Variants in SLC12A1 observed in about 807,000 individuals in gnomAD.
SLC12A1 encodes the protein Na-K-2Cl cotransporter.
SLC12A1 carries 89 observed loss-of-function variants against 130.4 expected under a neutral mutation model. The ratio of observed to expected loss-of-function variants is 0.68; its 90% confidence interval spans 0.58 to 0.81. The LOEUF (loss-of-function observed/expected upper bound fraction) is 0.81. SLC12A1 is among the 40% of genes least tolerant of loss of function. The pLI is 0.00. For missense variants in SLC12A1, 1,310 were observed against 1,336.4 expected (o/e 0.98, Z 0.31); for synonymous variants, 499 against 460.0 (o/e 1.08, Z -1.09).
intron 5 of SLC12A1, chr15:48,227,276 C>T: frequency 1.1e-6 from 1 of 912,324 alleles, no homozygotes; most frequent in Non-Finnish European, 1.7e-6. Flanking sequence ...AATTAGTCCC[C>T]AGTGTCCTAA....
intron 19 of SLC12A1, among the ~76,000 whole-genome samples, chr15:48,272,833 C>T (rs1171828270): frequency 3.3e-5 from 5 of 152,044 alleles, no homozygotes; most frequent in South Asian, 2.1e-4. Flanking sequence ...TTAGGCTGGG[C>T]GCAGTGGCTC....
chr15:48,218,269 T>C (rs1190046515), intron 2 of SLC12A1, among the ~76,000 whole-genome samples: 1 of 152,202 alleles, frequency 6.6e-6, no homozygotes, highest in Non-Finnish European at 1.5e-5. Flanking sequence ...GACTCTGTAT[T>C]ATGCTGCTTA....
chr15:48,256,830 C>G (rs946267066), intron 16 of SLC12A1, among the ~76,000 whole-genome samples: 1 of 144,650 alleles, frequency 6.9e-6, no homozygotes, highest in African/African-American at 2.5e-5. Flanking sequence ...TGGCCCCCCC[C>G]CCCAAATTTC....
intron 20 of SLC12A1, among the ~76,000 whole-genome samples, chr15:48,282,092 G>A (rs1597452168): frequency 6.6e-6 from 1 of 152,300 alleles, no homozygotes; most frequent in East Asian, 1.9e-4. Context: ...GAATAATTAA[G>A]AATTAACTTG....
At chr15:48,256,602 C>T (rs535739872) in intron 16 of SLC12A1, among the ~76,000 whole-genome samples, 73 of 152,200 alleles carry the variant, frequency 4.8e-4, no homozygotes, top group East Asian at 1.9e-3. Context: ...TCTTACATGG[C>T]GGCAGGCAAG....
chr15:48,260,354 A>T (rs2041760803), intron 17 of SLC12A1, among the ~76,000 whole-genome samples: 1 of 145,310 alleles, frequency 6.9e-6, no homozygotes, highest in Non-Finnish European at 1.5e-5. Flanking sequence ...TCTATCACAC[A>T]CACACACACA....
intron 8 of SLC12A1, 119 bp downstream of exon 8, chr15:48,232,957 T>C: frequency 1.5e-6 from 1 of 669,728 alleles, no homozygotes. Context: ...AAGTTACTTG[T>C]GGATGCGGAA....
At chr15:48,231,861 T>C (rs541172714) in intron 7 of SLC12A1, among the ~76,000 whole-genome samples, 4 of 151,960 alleles carry the variant, frequency 2.6e-5, no homozygotes, top group African/African-American at 9.6e-5. Flanking sequence ...ATTAAAAATA[T>C]AAAATTAGCC....
At chr15:48,292,606 C>A (rs933493283) in intron 24 of SLC12A1, among the ~76,000 whole-genome samples, 1 of 152,104 alleles carries the variant, frequency 6.6e-6, no homozygotes, top group Admixed American at 6.5e-5. Flanking sequence ...ACAGTTCTGG[C>A]GAAGTTCTGG....
At chr15:48,240,096 T>TCC (rs1214873026) in intron 9 of SLC12A1, among the ~76,000 whole-genome samples, 26 of 124,672 alleles carry the variant, frequency 2.1e-4, no homozygotes, top group East Asian at 8.6e-4. Context: ...TATATCCATA[T>TCC]ATATATATAT....
chr15:48,240,616 T>C (rs1490655647), intron 9 of SLC12A1, among the ~76,000 whole-genome samples: 1 of 152,220 alleles, frequency 6.6e-6, no homozygotes, highest in Non-Finnish European at 1.5e-5. Context: ...CAGTGATTGC[T>C]TATTTGTATT....
intron 23 of SLC12A1, among the ~76,000 whole-genome samples, chr15:48,291,024 G>A (rs1291203299): frequency 6.6e-6 from 1 of 151,756 alleles, no homozygotes. Flanking sequence ...TAGGGGTAAA[G>A]GTGCCTAATA....
chr15:48,216,508 T>C (rs1285457522), intron 2 of SLC12A1, among the ~76,000 whole-genome samples: 1 of 152,146 alleles, frequency 6.6e-6, no homozygotes, highest in Non-Finnish European at 1.5e-5. Flanking sequence ...AAAACATAGG[T>C]TTTATTCCCA....
Position 48,232,727 on chromosome 15 carries a change from G to A in SLC12A1, c.976G>A (p.Ala326Thr). The A allele has an allele frequency of 6.3e-7, 1 of 1,587,090 alleles. No homozygotes were observed. The highest frequency in any genetic ancestry group is 1.1e-5 in the South Asian group (1 of 90,548). ...SVAGMEWEAK[A>T]QVILLVILLI... is the part of the protein sequence containing the mutation. The stretch of plus-strand genomic sequence containing the variant: ...GTTTCCTTTTACCTTTCCATTCCAG[G>A]CCCAAGTCATTCTTCTGGTCATTCT... Residue 326 changes from alanine (A) to threonine (T), a missense_variant and splice_region_variant, in exon 8 of 27, where the codon GCC (alanine) becomes ACC (threonine). Physicochemically the swap from Ala to Thr is moderately conservative, Grantham distance 58. Coordinates refer to ENST00000380993, the MANE Select transcript of SLC12A1 (RefSeq NM_000338.3).
At chr15:48,277,721 C>G (rs2041968281) in intron 20 of SLC12A1, among the ~76,000 whole-genome samples, 1 of 152,166 alleles carries the variant, frequency 6.6e-6, no homozygotes, top group Admixed American at 6.5e-5. Context: ...GGGCTATTGC[C>G]TGATCGATTC....
Position 48,236,960 on chromosome 15 carries a change from C to T in SLC12A1, c.1215+1956C>T, listed in dbSNP as rs540306819. The T allele has an allele frequency of 5.9e-5, 41 of 693,674 alleles. No homozygotes were observed. The African/African-American group carries it at 6.7e-4, about 11-fold the overall frequency. 43.0% of individuals were successfully genotyped at this position (693,674 alleles called of 1,614,324 possible). A position where few individuals can be genotyped will look rare whatever the true frequency, so the allele number is the denominator to read the frequency against. On this transcript the variant is annotated intron_variant, in intron 9 of 26. Coordinates refer to ENST00000380993, the MANE Select transcript of SLC12A1 (RefSeq NM_000338.3). ...ATAGCAGTCAGTTCCGCTTAGCTGG[C>T]CCTCACTGAGTGCCTGTTCACACCA...
At chr15:48,260,251 C>A (rs942375667) in intron 17 of SLC12A1, among the ~76,000 whole-genome samples, 4 of 149,352 alleles carry the variant, frequency 2.7e-5, no homozygotes, top group African/African-American at 1.0e-4. Flanking sequence ...GGCTACAGAG[C>A]AAGACTCCAT....
chr15:48,228,669 AT>A, intron 5 of SLC12A1: 1 of 227,000 alleles, frequency 4.4e-6, no homozygotes, highest in South Asian at 5.3e-5. Flanking sequence ...CAGATATCTT[AT>A]TTTATGCAGC....
Position 48,226,487 on chromosome 15 carries a change from C to T in SLC12A1, c.640C>T (p.Leu214Phe). 6.3e-7 allele frequency: 1 copy of T among 1,588,368 alleles called. No homozygotes were observed. The highest frequency in any genetic ancestry group is 8.6e-7 in the Non-Finnish European group (1 of 1,165,736). ...VGEAGIGLGV[L>F]IILLSTMVTS... is the part of the protein sequence containing the mutation. ...TTCATTGCTAACAGGTCTTGGAGTT[C>T]TCATAATTCTTCTTTCCACCATGGT... Residue 214 changes from leucine to phenylalanine, a missense_variant, in exon 5 of 27, where the codon CTC becomes TTC. Transcript: ENST00000380993.
Sources: gnomAD v4.1 joint callset for allele counts (sites outside exome capture counted in the v4.1 genomes callset) on GRCh38, gnomAD v4.1.1 for gene constraint, MANE v1.5 for transcripts, NCBI Gene and HGNC (gene_info 2026-07-23, HGNC 2026-07-21) for gene names.